The following GRIN2B variants were observed in gnomAD, a reference collection of about 807,000 sequenced individuals.
The protein encoded by GRIN2B is glutamate ionotropic receptor NMDA type subunit 2B, also known as glutamate receptor ionotropic, NMDA 2B.
GRIN2B carries 5 observed loss-of-function variants against 114.5 expected under a neutral mutation model. The ratio of observed to expected loss-of-function variants is 0.04; its 90% CI spans 0.02 to 0.09. The LOEUF (loss-of-function observed/expected upper bound fraction) is 0.09. GRIN2B is among the 10% of genes least tolerant of loss of function. The pLI is 1.00. For missense variants in GRIN2B, 1,108 were observed against 1,943.5 expected (o/e 0.57, Z 8.08); for synonymous variants, 787 against 745.1 (o/e 1.06, Z -0.92).
Position 13,745,512 on chromosome 12 carries a change from G to A in GRIN2B, c.1010+7805C>T, listed in dbSNP as rs116315375. Among the ~76,000 whole-genome samples, 318 of 152,300 alleles carry A rather than the reference G, an allele frequency of 2.1e-3. 1 individual carries two copies. Among genetic ancestry groups the A allele is most frequent in the African/African-American group, 7.0e-3 (291 of 41,562 alleles). On this transcript the variant is annotated intron_variant, in intron 4 of 13. Transcript: ENST00000609686. ...TGAGGACATGGCCAAGCAGTGGAGA[G>A]GTAGCATGCTCTAGCAAAGAGCACC...
At chr12:13,831,427 C>A (rs767478427) in intron 3 of GRIN2B, among the ~76,000 whole-genome samples, 11 of 152,214 alleles carry the variant, frequency 7.2e-5, no homozygotes, top group African/African-American at 2.6e-4. Flanking sequence ...GCTGGTGATC[C>A]TCTCTTCTAG....
chr12:13,773,675 C>T (rs1406936409), intron 3 of GRIN2B, among the ~76,000 whole-genome samples: 1 of 152,218 alleles, frequency 6.6e-6, no homozygotes, highest in Non-Finnish European at 1.5e-5. Context: ...GAGACTGATA[C>T]TCCAAACCCC....
chr12:13,748,873 TATAA>T (rs1863432866), intron 4 of GRIN2B, among the ~76,000 whole-genome samples: 1 of 152,246 alleles, frequency 6.6e-6, no homozygotes, highest in African/African-American at 2.4e-5. Context: ...ATTCATTTGG[TATAA>T]ATATGTCCCA....
chr12:13,690,623 A>G (rs1591678452), intron 4 of GRIN2B, among the ~76,000 whole-genome samples: 1 of 152,114 alleles, frequency 6.6e-6, no homozygotes, highest in African/African-American at 2.4e-5. Context: ...GCCTGTGAGG[A>G]TCATGTAATC....
chr12:13,722,505 G>A (rs1246444630), intron 4 of GRIN2B, among the ~76,000 whole-genome samples: 2 of 152,082 alleles, frequency 1.3e-5, no homozygotes, highest in African/African-American at 2.4e-5. Flanking sequence ...GAGGGCATGG[G>A]TACCGATGCA....
chr12:13,963,374 C>A (rs897908641), intron 2 of GRIN2B, among the ~76,000 whole-genome samples: 7 of 152,138 alleles, frequency 4.6e-5, no homozygotes, highest in African/African-American at 1.7e-4. Context: ...TTCTCCGCGG[C>A]ATGACAGCTG....
intron 3 of GRIN2B, among the ~76,000 whole-genome samples, chr12:13,761,044 C>T (rs181737972): frequency 5.3e-4 from 81 of 152,246 alleles, no homozygotes; most frequent in Non-Finnish European, 8.7e-4. Context: ...GACTGAAACA[C>T]ACAATGGAAG....
intron 4 of GRIN2B, among the ~76,000 whole-genome samples, chr12:13,706,825 T>C (rs12372476): frequency 0.5 from 75,401 of 151,944 alleles, 19,150 homozygotes; most frequent in Non-Finnish European, 0.56. Flanking sequence ...CCTGCCTTGT[T>C]CCAAGGCATC....
intron 10 of GRIN2B, among the ~76,000 whole-genome samples, chr12:13,594,025 C>T (rs1304003618): frequency 1.3e-5 from 2 of 152,168 alleles, no homozygotes; most frequent in Non-Finnish European, 2.9e-5. Context: ...CAGGAAACAA[C>T]AGATGCTGGA....
chr12:13,791,469 A>T (rs945310149), intron 3 of GRIN2B, among the ~76,000 whole-genome samples: 4 of 151,648 alleles, frequency 2.6e-5, no homozygotes, highest in Non-Finnish European at 4.4e-5. Context: ...AAAATAAAAA[A>T]AAAAAATTCC....
intron 3 of GRIN2B, among the ~76,000 whole-genome samples, chr12:13,823,455 AT>A (rs1315193462): frequency 6.6e-6 from 1 of 152,014 alleles, no homozygotes; most frequent in African/African-American, 2.4e-5. Context: ...AAATTTTTAA[AT>A]TGATAATTCT....
At chr12:13,603,813 G>A (rs1380373543) in intron 10 of GRIN2B, among the ~76,000 whole-genome samples, 1 of 151,922 alleles carries the variant, frequency 6.6e-6, no homozygotes, top group Non-Finnish European at 1.5e-5. Context: ...CACCCTGGCA[G>A]AGTGATTTTG....
intron 6 of GRIN2B, 39 bp downstream of exon 6, chr12:13,616,416 T>A: frequency 6.7e-7 from 1 of 1,491,172 alleles, no homozygotes; most frequent in Non-Finnish European, 9.4e-7. Context: ...CAAAGCTGAC[T>A]CTCCCATGCC....
Position 13,550,751 on chromosome 12 carries a change from CTG to C in GRIN2B, c.*12030_*12031del, listed in dbSNP as rs1948400083. 6.6e-6 allele frequency: 1 copy of C among 152,162 alleles called. No individual in the cohort carries two copies. Among genetic ancestry groups the C allele is most frequent in the East Asian group, 1.9e-4 (1 of 5,178 alleles). 9.4% of individuals were successfully genotyped at this position (152,162 alleles called of 1,614,324 possible). A position where few individuals can be genotyped will look rare whatever the true frequency, so the allele number is the denominator to read the frequency against. On this transcript the variant is annotated 3_prime_UTR_variant, in exon 14 of 14. Transcript: ENST00000609686. ...AGTCATTAAAATGCAGTGGGATTGA[CTG>C]TGCTAGACTGATTGGGCTCGAGTTT...
intron 4 of GRIN2B, among the ~76,000 whole-genome samples, chr12:13,686,518 C>CT (rs1950175310): frequency 6.6e-6 from 1 of 152,094 alleles, no homozygotes. Flanking sequence ...GAAACATGCT[C>CT]TTTAATGCTT....
rs576228102 is a variant in GRIN2B at position 13,632,344 on chromosome 12, T to C, written c.1126-15687A>G. Among the ~76,000 whole-genome samples the C allele has an allele frequency of 4.6e-5, 7 of 152,336 alleles. No homozygotes were observed. The South Asian group carries it at 1.4e-3, about 32-fold the overall frequency. On this transcript the variant is annotated intron_variant, in intron 5 of 13. Coordinates refer to ENST00000609686, the MANE Select transcript of GRIN2B (RefSeq NM_000834.5). The stretch of plus-strand genomic sequence containing the variant: ...GTCACTTGTAAATAGAAAGTACATG[T>C]CAATCTGCAGGAATCACCACAAAAT...
chr12:13,625,496 G>A (rs531151494), intron 5 of GRIN2B, among the ~76,000 whole-genome samples: 22 of 152,206 alleles, frequency 1.4e-4, no homozygotes, highest in Non-Finnish European at 2.8e-4. Flanking sequence ...TCTCTGTGCC[G>A]GGCTCATTAG....
intron 2 of GRIN2B, among the ~76,000 whole-genome samples, chr12:13,928,038 G>A (rs900454232): frequency 1.1e-4 from 17 of 149,816 alleles, no homozygotes; most frequent in South Asian, 2.1e-4. Context: ...GAGGCCAGGC[G>A]CAGTGGCACA....
At chr12:13,932,121 CT>C (rs1477856236) in intron 2 of GRIN2B, among the ~76,000 whole-genome samples, 2 of 152,154 alleles carry the variant, frequency 1.3e-5, no homozygotes, top group Non-Finnish European at 2.9e-5. Context: ...TTTCCAATTC[CT>C]TTTTTTAATA....
Sources: gnomAD v4.1 joint callset for allele counts (sites outside exome capture counted in the v4.1 genomes callset) on GRCh38, gnomAD v4.1.1 for gene constraint, MANE v1.5 for transcripts, NCBI Gene and HGNC (gene_info 2026-07-23, HGNC 2026-07-21) for gene names.